CEP164: variants seen among roughly 807,000 people sequenced by gnomAD.
CEP164 encodes the protein centrosomal protein of 164 kDa.
In CEP164, 162 loss-of-function variants were observed where a neutral mutation model predicts 182.7. The observed-to-expected ratio is 0.89, with a 90% CI of 0.78 to 1.01. CEP164 has a LOEUF of 1.01. Among genes scored for constraint, CEP164 ranks in the 50% least tolerant of loss-of-function variants. The pLI is 0.00. For synonymous variants in CEP164, 661 were observed against 690.0 expected, an observed-to-expected ratio of 0.96 and a Z score of 0.66; for missense variants, 1,735 against 1,790.4, an observed-to-expected ratio of 0.97 and a Z score of 0.56.
chr11:117,353,065 C>A (rs568427436), intron 5 of CEP164, among the ~76,000 whole-genome samples: 1 of 152,232 alleles, frequency 6.6e-6, no homozygotes, highest in South Asian at 2.1e-4. Flanking sequence ...TCTCCCAGAA[C>A]GCTGTGGTGG....
chr11:117,379,933 G>A (rs1592274728), intron 11 of CEP164, among the ~76,000 whole-genome samples: 1 of 129,220 alleles, frequency 7.7e-6, no homozygotes, highest in Non-Finnish European at 1.6e-5. Context: ...TTTTTGTTCT[G>A]TTTTGTTTTG....
At chr11:117,355,645 C>T (rs2040217419) in intron 5 of CEP164, 1 of 1,192,416 alleles carries the variant, frequency 8.4e-7, no homozygotes, top group Admixed American at 3.6e-5. Context: ...CTACTGAAGA[C>T]CTGAGCTGGC....
At chr11:117,358,707 A>AT (rs1467619482) in intron 5 of CEP164, among the ~76,000 whole-genome samples, 3 of 151,802 alleles carry the variant, frequency 2.0e-5, no homozygotes, top group African/African-American at 7.3e-5. Flanking sequence ...ATTAAAAATT[A>AT]TTTTTTTGTA....
At position 117,352,597 on chromosome 11, in the gene CEP164, T is replaced by G. The variant is rs553366036; in HGVS notation, c.393+609T>G. ...CTGCAATGTGATTTCCTTGTTGTTG[T>G]TTTTTTTGAGACAGAGTCTCACTCT... On this transcript the variant is annotated intron_variant, in intron 5 of 32. Coordinates refer to ENST00000278935, the MANE Select transcript of CEP164 (RefSeq NM_014956.5). Among the ~76,000 whole-genome samples, 46 of 152,070 alleles carry G rather than the reference T, an allele frequency of 3.0e-4. No homozygotes were observed. The South Asian group carries it at 9.6e-3, about 32-fold the overall frequency.
intron 15 of CEP164, 84 bp from the exon 16 acceptor site, chr11:117,390,693 T>G: frequency 6.5e-7 from 1 of 1,549,770 alleles, no homozygotes; most frequent in Admixed American, 1.9e-5. Context: ...AACAGGGCTA[T>G]TGGAGGCTGA....
intron 3 of CEP164, among the ~76,000 whole-genome samples, chr11:117,341,797 C>T (rs372988283): frequency 6.6e-6 from 1 of 152,284 alleles, no homozygotes; most frequent in East Asian, 1.9e-4. Context: ...AGGTCCTTTG[C>T]ACCTGTGCTT....
chr11:117,342,459 C>T (rs1348460238), intron 3 of CEP164, among the ~76,000 whole-genome samples: 1 of 151,742 alleles, frequency 6.6e-6, no homozygotes, highest in East Asian at 1.9e-4. Flanking sequence ...TGTCATTTAT[C>T]TTTTTTCCTG....
intron 3 of CEP164, among the ~76,000 whole-genome samples, chr11:117,339,453 T>C: frequency 6.6e-6 from 1 of 151,664 alleles, no homozygotes; most frequent in East Asian, 1.9e-4. Flanking sequence ...ACAACATAAC[T>C]TATTATGTGC....
At chr11:117,356,746 C>A in intron 5 of CEP164, 1 of 941,192 alleles carries the variant, frequency 1.1e-6, no homozygotes, top group Non-Finnish European at 1.3e-6. Context: ...ACTATTGGCC[C>A]TTTAACTACC....
chr11:117,322,066 T>C (rs1317712580), intron 1 of CEP164, among the ~76,000 whole-genome samples: 3 of 152,160 alleles, frequency 2.0e-5, no homozygotes, highest in Non-Finnish European at 4.4e-5. Flanking sequence ...TTGATACATA[T>C]ATATGTTGCA....
intron 1 of CEP164, among the ~76,000 whole-genome samples, chr11:117,334,784 CAA>C (rs5795074): frequency 2.0e-4 from 21 of 102,962 alleles, no homozygotes; most frequent in African/African-American, 3.4e-4. Flanking sequence ...GACTTCGTTT[CAA>C]AAAAAAAAAA....
chr11:117,363,787 TA>T (rs1169666220), intron 8 of CEP164, among the ~76,000 whole-genome samples: 1 of 146,070 alleles, frequency 6.8e-6, no homozygotes, highest in Non-Finnish European at 1.5e-5. Flanking sequence ...TTTTTTTTTT[TA>T]AGAGACAGAG....
chr11:117,409,774 C>G lies in CEP164; in HGVS notation c.3905C>G (p.Pro1302Arg). ...CTCGCCTCCATGCCAGCCCAGCTCC[C>G]TCCCCGGGACCCTAAGAGCACCCCC... Reference protein sequence around the residue: ...PLLASMPAQLPPRDPKSTPTP... With the variant: ...PLLASMPAQLRPRDPKSTPTP... Residue 1302 changes from proline to arginine, a missense_variant, in exon 30 of 33, where the codon CCT (proline) becomes CGT (arginine). Transcript: ENST00000278935. This position sits in a 1 kb window ranked among gnomAD's most constrained non-coding sequence, Gnocchi z 4.4. 1.9e-6 allele frequency: 3 copies of G among 1,613,980 alleles called. No individual in the cohort carries two copies. In the South Asian group the frequency reaches 3.3e-5, roughly 18 times the overall value.
Position 117,337,313 on chromosome 11 carries a change from C to T in CEP164, c.-21-1253C>T, listed in dbSNP as rs111606711. Among the ~76,000 whole-genome samples the T allele has an allele frequency of 5.3e-3, 808 of 152,094 alleles. 3 individuals carry two copies. The highest frequency in any genetic ancestry group is 7.8e-3 in the Non-Finnish European group (531 of 67,970). ...TGCCCTGGTTCCTGGTCCTTTCTTC[C>T]TCTCCTTTTAATCCTATCAGGCCAT... On this transcript the variant is annotated intron_variant, in intron 2 of 32. Transcript: ENST00000278935.
intron 30 of CEP164, 91 bp downstream of exon 30, chr11:117,410,056 C>A: frequency 8.3e-7 from 1 of 1,205,470 alleles, no homozygotes; most frequent in South Asian, 1.3e-5. Flanking sequence ...TGCTCCTTTT[C>A]TCCTCTTCCT....
At chr11:117,386,785 T>C (rs1243335569) in intron 14 of CEP164, 1 of 188,966 alleles carries the variant, frequency 5.3e-6, no homozygotes, top group Non-Finnish European at 1.1e-5. Flanking sequence ...CACAAATTGC[T>C]GGCATGAGCC....
Position 117,362,534 on chromosome 11 carries a change from A to G in CEP164, c.683A>G (p.Asn228Ser), listed in dbSNP as rs1299063388. Reference sequence around the variant, plus strand: ...GAGGAGGATGAGGAGGAAAGTGACAACCAGGTAATGATGAAGTCCTCTCCC... The same window carrying G: ...GAGGAGGATGAGGAGGAAAGTGACAGCCAGGTAATGATGAAGTCCTCTCCC... Reference protein sequence around the residue: ...TNEEDEEESDNQSVHSSSEPL... With the variant: ...TNEEDEEESDSQSVHSSSEPL... The change falls in exon 7 of 33, where the codon AAC becomes AGC. Residue 228 changes from asparagine (N) to serine (S), a missense_variant. By Grantham distance (46) the Asn-to-Ser change is conservative. Coordinates refer to ENST00000278935, the MANE Select transcript of CEP164 (RefSeq NM_014956.5). 1 of 1,613,268 alleles carries G rather than the reference A, an allele frequency of 6.2e-7. No homozygotes were observed. Among genetic ancestry groups the G allele is most frequent in the South Asian group, 1.1e-5 (1 of 91,020 alleles).
At chr11:117,329,089 CATTT>C (rs1230036618) in intron 1 of CEP164, among the ~76,000 whole-genome samples, 3 of 152,156 alleles carry the variant, frequency 2.0e-5, no homozygotes, top group East Asian at 1.9e-4. Context: ...CTGTCAGAAT[CATTT>C]ATTTATTTTA....
At chr11:117,354,892 T>C (rs1226479907) in intron 5 of CEP164, 1 of 1,224,536 alleles carries the variant, frequency 8.2e-7, no homozygotes, top group Non-Finnish European at 1.0e-6. Flanking sequence ...TCAGAAGTGC[T>C]TTGTCTTCGT....
Sources: allele counts gnomAD v4.1 joint callset (sites outside exome capture counted in the v4.1 genomes callset), GRCh38; gene constraint gnomAD v4.1.1; non-coding constraint Gnocchi (gnomAD v3.1); transcripts MANE v1.5; gene names NCBI Gene and HGNC (gene_info 2026-07-23, HGNC 2026-07-21).